GNAQ: variants seen among roughly 807,000 people sequenced by gnomAD.
The protein encoded by GNAQ is G protein subunit alpha q.
GNAQ carries 8 observed loss-of-function variants against 43.9 expected under a neutral mutation model. The observed-to-expected ratio is 0.18, with a 90% CI of 0.11 to 0.33. The LOEUF (loss-of-function observed/expected upper bound fraction) is 0.33, where lower values mean the gene tolerates loss of function less well. GNAQ is among the 10% of genes least tolerant of loss of function. GNAQ has a pLI of 1.00. For missense variants in GNAQ, 158 were observed against 450.8 expected (o/e 0.35, Z 5.88); for synonymous variants, 155 against 170.7 (o/e 0.91, Z 0.71).
intron 1 of GNAQ, among the ~76,000 whole-genome samples, chr9:77,996,864 G>C (rs1038301971): frequency 6.6e-6 from 1 of 152,050 alleles, no homozygotes; most frequent in African/African-American, 2.4e-5. Context: ...CAAATAAGCA[G>C]TATCTGCCAC....
intron 2 of GNAQ, among the ~76,000 whole-genome samples, chr9:77,901,554 T>C (rs1828617543): frequency 6.6e-6 from 1 of 152,174 alleles, no homozygotes; most frequent in Admixed American, 6.5e-5. Flanking sequence ...CTGGAGCTAC[T>C]CTTTCTCTTA....
chr9:77,815,732 C>T lies in GNAQ; in HGVS notation c.360G>A (p.Lys120=). Residue 120 remains lysine (K), a synonymous_variant, in exon 3 of 7, where the codon AAG becomes AAA. Transcript: ENST00000286548. Reference sequence around the variant, plus strand: ...CATATGGATTCTCAAAAGCAGACACCTTCTCCACATCAACTTCTCGAACTA... The same window carrying T: ...CATATGGATTCTCAAAAGCAGACACTTTCTCCACATCAACTTCTCGAACTA... ...AQLVREVDVE[K]VSAFENPYVD... is the part of the protein sequence containing the mutation. 6.2e-7 allele frequency: 1 copy of T among 1,610,940 alleles called. No individual in the cohort carries two copies. Among genetic ancestry groups the T allele is most frequent in the Non-Finnish European group, 8.5e-7 (1 of 1,177,434 alleles).
At chr9:77,888,541 T>G (rs1182493743) in intron 2 of GNAQ, among the ~76,000 whole-genome samples, 1 of 152,216 alleles carries the variant, frequency 6.6e-6, no homozygotes, top group Non-Finnish European at 1.5e-5. Context: ...CTACTCATTG[T>G]CGCAATCCCC....
intron 1 of GNAQ, among the ~76,000 whole-genome samples, chr9:77,987,612 G>A (rs544441737): frequency 2.0e-5 from 3 of 152,118 alleles, no homozygotes; most frequent in Non-Finnish European, 2.9e-5. Context: ...CATCCGGTCC[G>A]CAATATTTAC....
chr9:77,878,711 C>T (rs991289965), intron 2 of GNAQ, among the ~76,000 whole-genome samples: 1 of 151,620 alleles, frequency 6.6e-6, no homozygotes, highest in African/African-American at 2.4e-5. Flanking sequence ...TTGAGATAGA[C>T]ATTTTAAAGG....
chr9:77,904,316 GC>G (rs1828666266), intron 2 of GNAQ, among the ~76,000 whole-genome samples: 1 of 103,256 alleles, frequency 9.7e-6, no homozygotes, highest in South Asian at 3.7e-4. Flanking sequence ...GTTCACACCG[GC>G]TTTTTTTTTT....
intron 1 of GNAQ, among the ~76,000 whole-genome samples, chr9:77,959,282 A>G (rs1823078929): frequency 6.6e-6 from 1 of 152,196 alleles, no homozygotes; most frequent in African/African-American, 2.4e-5. Context: ...AGTCTATGAT[A>G]AAATATTTTC....
At chr9:77,840,263 A>C (rs1296338643) in intron 2 of GNAQ, among the ~76,000 whole-genome samples, 2 of 152,222 alleles carry the variant, frequency 1.3e-5, no homozygotes, top group Admixed American at 1.3e-4. Context: ...ACAATGAATG[A>C]ATTAGCATGT....
chr9:77,947,241 G>T (rs987955639), intron 1 of GNAQ, among the ~76,000 whole-genome samples: 1 of 152,300 alleles, frequency 6.6e-6, no homozygotes, highest in Non-Finnish European at 1.5e-5. Flanking sequence ...TGGAATGAGG[G>T]GGAAGGGTGA....
At chr9:77,741,947 T>G (rs1287381953) in intron 5 of GNAQ, among the ~76,000 whole-genome samples, 2 of 152,168 alleles carry the variant, frequency 1.3e-5, no homozygotes, top group Non-Finnish European at 2.9e-5. Context: ...GGTTATGAGA[T>G]TTTTTGGGCA....
intron 1 of GNAQ, among the ~76,000 whole-genome samples, chr9:77,986,802 CCTTT>C (rs1352674520): frequency 7.7e-6 from 1 of 129,898 alleles, no homozygotes; most frequent in East Asian, 2.2e-4. Flanking sequence ...GGCACCTGGC[CCTTT>C]TTTTTTTTTT....
At chr9:77,778,211 G>A (rs1003482125) in intron 5 of GNAQ, among the ~76,000 whole-genome samples, 5 of 91,598 alleles carry the variant, frequency 5.5e-5, no homozygotes, top group African/African-American at 1.7e-4. Flanking sequence ...AGTTTTACAC[G>A]TTTACACACA....
At chr9:77,939,727 C>T (rs557645753) in intron 1 of GNAQ, among the ~76,000 whole-genome samples, 1 of 152,214 alleles carries the variant, frequency 6.6e-6, no homozygotes, top group African/African-American at 2.4e-5. Context: ...ATTATTCTGT[C>T]CAACAAGAAT....
At chr9:77,850,314 C>T (rs2117921025) in intron 2 of GNAQ, among the ~76,000 whole-genome samples, 1 of 152,286 alleles carries the variant, frequency 6.6e-6, no homozygotes, top group East Asian at 1.9e-4. Flanking sequence ...CTCCTGCATC[C>T]ACCACTTCCA....
rs79408631 is a variant in GNAQ, at chr9:77,716,798, G to A, written c.*4525C>T. Reference sequence around the variant, plus strand: ...GTTGGAATCATACGGGGAAATGGAGGACACAGGGTAGATAAGGAAGGCAAG... The same window carrying A: ...GTTGGAATCATACGGGGAAATGGAGAACACAGGGTAGATAAGGAAGGCAAG... On this transcript the variant is annotated 3_prime_UTR_variant, in exon 7 of 7. Coordinates refer to ENST00000286548, the MANE Select transcript of GNAQ (RefSeq NM_002072.5). 855 of 232,904 alleles carry A rather than the reference G, an allele frequency of 3.7e-3. 8 individuals are homozygous for A. Among genetic ancestry groups the A allele is most frequent in the African/African-American group, 0.018 (808 of 45,406 alleles). The allele number at this position is 232,904 out of a possible 1,614,324, so 14.4% of individuals were successfully genotyped here.
chr9:77,862,738 G>A (rs753708673), intron 2 of GNAQ, among the ~76,000 whole-genome samples: 17 of 152,254 alleles, frequency 1.1e-4, no homozygotes, highest in East Asian at 3.9e-4. Flanking sequence ...TTTCTGCAGC[G>A]GGCTTGAATT....
intron 2 of GNAQ, among the ~76,000 whole-genome samples, chr9:77,829,578 C>G (rs1564123400): frequency 6.6e-6 from 1 of 152,290 alleles, no homozygotes; most frequent in East Asian, 1.9e-4. Context: ...GCTTGAAGCT[C>G]CTCTCGACAC....
In GNAQ at chr9:77,718,726, A is replaced by ATTTTTTTTTTTTTTTTT. The variant is rs754786107; in HGVS notation, c.*2580_*2596dup. On this transcript the variant is annotated 3_prime_UTR_variant, in exon 7 of 7. Transcript: ENST00000286548. ...GTAGGCCTTCAAATGTTGTTGTTTA[A>ATTTTTTTTTTTTTTTTT]TTTTTTTTTTTTTTTTTTTTTTTTT... The ATTTTTTTTTTTTTTTTT allele has an allele frequency of 1.9e-4, 22 of 114,382 alleles. 2 individuals are homozygous for ATTTTTTTTTTTTTTTTT. The highest frequency in any genetic ancestry group is 8.3e-4 in the South Asian group (2 of 2,412). The allele number at this position is 114,382 out of a possible 1,614,324, so 7.1% of individuals were successfully genotyped here.
chr9:77,965,838 CAAAAAA>C (rs34650547), intron 1 of GNAQ, among the ~76,000 whole-genome samples: 1 of 129,978 alleles, frequency 7.7e-6, no homozygotes, highest in Admixed American at 7.7e-5. Flanking sequence ...TTACTCCGAG[CAAAAAA>C]AAAAAAAAAA....
Sources: allele counts gnomAD v4.1 joint callset (sites outside exome capture counted in the v4.1 genomes callset), GRCh38; gene constraint gnomAD v4.1.1; transcripts MANE v1.5; gene names NCBI Gene and HGNC (gene_info 2026-07-23, HGNC 2026-07-21).